Variants in AP2B1 observed in about 807,000 individuals in gnomAD.
AP2B1 encodes the protein adaptor related protein complex 2 subunit beta 1, also known as AP-2 complex subunit beta.
A neutral mutation model predicts 102.0 loss-of-function variants in AP2B1; 23 were observed. That is an observed-to-expected ratio of 0.23 (90% CI 0.16 to 0.32). The LOEUF (loss-of-function observed/expected upper bound fraction) is 0.32, where lower values mean the gene tolerates loss of function less well. Among genes scored for constraint, AP2B1 ranks in the 10% least tolerant of loss-of-function variants. The probability of loss-of-function intolerance (pLI) is 1.00; values close to 1 mark genes in which losing one functional copy is unlikely to be tolerated. For missense variants in AP2B1, 541 were observed against 1,157.4 expected (o/e 0.47, Z 7.73); for synonymous variants, 381 against 421.2 (o/e 0.90, Z 1.17).
intron 5 of AP2B1, among the ~76,000 whole-genome samples, chr17:35,614,054 A>G (rs200277398): frequency 3.3e-5 from 5 of 152,100 alleles, no homozygotes; most frequent in East Asian, 1.9e-4. Context: ...CTTCGTTACT[A>G]TGGTTTTCTT....
intron 20 of AP2B1, among the ~76,000 whole-genome samples, chr17:35,711,510 C>G (rs2076448875): frequency 6.6e-6 from 1 of 151,472 alleles, no homozygotes; most frequent in African/African-American, 2.4e-5. Context: ...GCTCCATTGC[C>G]CAGGCTGGAG....
chr17:35,712,683 T>C (rs1344580955), intron 20 of AP2B1, among the ~76,000 whole-genome samples: 1 of 151,994 alleles, frequency 6.6e-6, no homozygotes, highest in African/African-American at 2.4e-5. Context: ...TTGTTATCCA[T>C]GAAAGTTGAA....
intron 14 of AP2B1, among the ~76,000 whole-genome samples, chr17:35,659,355 T>G (rs761976953): frequency 7.2e-5 from 11 of 152,192 alleles, no homozygotes; most frequent in Non-Finnish European, 1.3e-4. Context: ...TGCCTTTTCA[T>G]GTTGCCAGAC....
chr17:35,649,928 C>T (rs938721584), intron 12 of AP2B1, among the ~76,000 whole-genome samples: 2 of 151,602 alleles, frequency 1.3e-5, no homozygotes, highest in African/African-American at 4.9e-5. Flanking sequence ...TACACCCCGC[C>T]CTGATAATTT....
At chr17:35,642,144 T>C (rs143555459) in intron 12 of AP2B1, among the ~76,000 whole-genome samples, 169 bp downstream of exon 12, 235 of 152,358 alleles carry the variant, frequency 1.5e-3, no homozygotes, top group Non-Finnish European at 2.6e-3. Context: ...TCAACTGAAT[T>C]GTAGCTAATT....
chr17:35,605,699 TCTC>T lies in AP2B1; in HGVS notation c.144-5_144-3del. ...TTTCCTTTTCTCTTTTACCCTCTCT[TCTC>T]AGTTCTCTCTTTCCAGACGTAGTGA... On this transcript the variant is annotated splice_region_variant and splice_polypyrimidine_tract_variant and intron_variant, in intron 3 of 21. Coordinates refer to ENST00000610402, the MANE Select transcript of AP2B1 (RefSeq NM_001030006.2). 1 of 1,604,768 alleles carries T rather than the reference TCTC, an allele frequency of 6.2e-7. No homozygotes were observed. Among genetic ancestry groups the T allele is most frequent in the Non-Finnish European group, 8.5e-7 (1 of 1,174,326 alleles).
At chr17:35,642,137 AC>A (rs1295507010) in intron 12 of AP2B1, among the ~76,000 whole-genome samples, 162 bp downstream of exon 12, 1 of 152,240 alleles carries the variant, frequency 6.6e-6, no homozygotes, top group African/African-American at 2.4e-5. Flanking sequence ...TACGTGTTCA[AC>A]TGAATTGTAG....
intron 3 of AP2B1, among the ~76,000 whole-genome samples, chr17:35,599,061 G>C (rs1335759881): frequency 6.6e-6 from 1 of 152,208 alleles, no homozygotes; most frequent in Non-Finnish European, 1.5e-5. Context: ...TGCTAAAAAA[G>C]AGCAGTTTCA....
chr17:35,678,181 T>G (rs879382835), intron 17 of AP2B1, among the ~76,000 whole-genome samples: 9 of 152,178 alleles, frequency 5.9e-5, no homozygotes, highest in Admixed American at 3.3e-4. Context: ...TTTTTAATTT[T>G]AATTTTTTAT....
At chr17:35,715,414 A>G (rs1555589392) in intron 20 of AP2B1, among the ~76,000 whole-genome samples, 1 of 152,266 alleles carries the variant, frequency 6.6e-6, no homozygotes, top group Admixed American at 6.5e-5. Flanking sequence ...CCACATGTAT[A>G]TGCTAGAATG....
rs1248937490 is a variant in AP2B1 at position 35,720,569 on chromosome 17, A to AT, written c.2782-3055dup. 7.7e-3 allele frequency among the ~76,000 whole-genome samples: 386 copies of AT among 50,270 alleles called. 7 individuals carry two copies. The highest frequency in any genetic ancestry group is 0.012 in the Non-Finnish European group (319 of 26,814). 33.0% of individuals were successfully genotyped at this position (50,270 alleles called of 152,430 possible). On this transcript the variant is annotated intron_variant, in intron 21 of 21. Coordinates refer to ENST00000610402, the MANE Select transcript of AP2B1 (RefSeq NM_001030006.2). Reference sequence around the variant, plus strand: ...TTTATATATATATATATATATATATATATATTTTTTTTTTTTTTTTTTTTT... The same window carrying AT: ...TTTATATATATATATATATATATATATTATATTTTTTTTTTTTTTTTTTTTT...
At chr17:35,682,504 G>A (rs760614298) in intron 17 of AP2B1, among the ~76,000 whole-genome samples, 191 bp from the exon 18 acceptor site, 3 of 151,656 alleles carry the variant, frequency 2.0e-5, no homozygotes, top group South Asian at 2.1e-4. Context: ...CACCACGCCC[G>A]GCTAATGTTT....
intron 18 of AP2B1, 24 bp from the exon 19 acceptor site, chr17:35,709,200 T>G: frequency 6.2e-7 from 1 of 1,611,564 alleles, no homozygotes; most frequent in Non-Finnish European, 8.5e-7. Flanking sequence ...ATGTCCTCAT[T>G]TGACCTTGTT....
rs188690101 is a variant in AP2B1, at chr17:35,601,453, C to T, written c.143+3118C>T. Among the ~76,000 whole-genome samples the T allele has an allele frequency of 2.3e-3, 343 of 152,322 alleles. 2 individuals are homozygous for T. The highest frequency in any genetic ancestry group is 8.0e-3 in the African/African-American group (332 of 41,564). On this transcript the variant is annotated intron_variant, in intron 3 of 21. Coordinates refer to ENST00000610402, the MANE Select transcript of AP2B1 (RefSeq NM_001030006.2). ...CAAGGGATTCTCCTGCCTCAGCCTC[C>T]TGAGTAGCTGGTACTGTATATGCAC...
chr17:35,632,088 A>ATT (rs11432512), intron 9 of AP2B1, among the ~76,000 whole-genome samples: 11,227 of 145,738 alleles, frequency 0.077, 468 homozygotes, highest in Middle Eastern at 0.14. Context: ...AAAATTCACT[A>ATT]TTTTTTTTTT....
At chr17:35,688,131 C>A (rs943416946) in intron 18 of AP2B1, among the ~76,000 whole-genome samples, 1 of 152,188 alleles carries the variant, frequency 6.6e-6, no homozygotes, top group African/African-American at 2.4e-5. Flanking sequence ...GAGATTCATT[C>A]CCTTCATCAG....
At position 35,664,600 on chromosome 17, in the gene AP2B1, A is replaced by G. The variant is rs2075423755; in HGVS notation, c.1990-6257A>G. ...AAATACTGCCAGTAGCCATATATAT[A>G]TTACTGCCAGTAGCCATAAATTTAT... On this transcript the variant is annotated intron_variant, in intron 14 of 21. Transcript: ENST00000610402. Among the ~76,000 whole-genome samples, 6 of 152,164 alleles carry G rather than the reference A, an allele frequency of 3.9e-5. No individual in the cohort carries two copies. In the South Asian group the frequency reaches 1.2e-3, roughly 32 times the overall value.
At position 35,605,814 on chromosome 17, in the gene AP2B1, A is replaced by G; in HGVS notation, c.253A>G (p.Ile85Val). The G allele has an allele frequency of 1.2e-6, 2 of 1,613,286 alleles. No individual in the cohort carries two copies. Among genetic ancestry groups the G allele is most frequent in the Non-Finnish European group, 1.7e-6 (2 of 1,179,736 alleles). The change falls in exon 4 of 22, where the codon ATC becomes GTC. Residue 85 changes from isoleucine to valine, a missense_variant. This residue lies in a region of AP2B1 where 28 missense variants were observed against 98.3 expected (regional missense o/e 0.28). Coordinates refer to ENST00000610402, the MANE Select transcript of AP2B1 (RefSeq NM_001030006.2). ...CGCCAAGAGTCAGCCAGACATGGCC[A>G]TCATGGCTGTAAACAGCTTTGTGAA... ...NYAKSQPDMAIMAVNSFVKDC... is the reference protein window; with the variant it reads ...NYAKSQPDMAVMAVNSFVKDC...
rs1376052780 is a variant in AP2B1, at chr17:35,671,840, C to T, written c.2118C>T (p.Asp706=). The change falls in exon 16 of 22, where the codon GAC becomes GAT. Residue 706 remains aspartate, a synonymous_variant. Coordinates refer to ENST00000610402, the MANE Select transcript of AP2B1 (RefSeq NM_001030006.2). ...TPAVVSSGLN[D]LFELSTGIGM... ...CTGTGGTCAGCAGTGGACTGAATGA[C>T]CTGTTTGAACTCTCCACAGGGATAG... 4 of 1,614,062 alleles carry T rather than the reference C, an allele frequency of 2.5e-6. No individual in the cohort carries two copies. Among genetic ancestry groups the T allele is most frequent in the Non-Finnish European group, 3.4e-6 (4 of 1,179,992 alleles).
Sources: gnomAD v4.1 joint callset for allele counts (sites outside exome capture counted in the v4.1 genomes callset) on GRCh38, gnomAD v4.1.1 for gene constraint, gnomAD v4.1.1 regional missense constraint, MANE v1.5 for transcripts, NCBI Gene and HGNC (gene_info 2026-07-23, HGNC 2026-07-21) for gene names.